Variants in ZNF248 observed in about 807,000 individuals in gnomAD.
ZNF248 encodes KRAB protein domain.
A neutral mutation model predicts 44.3 loss-of-function variants in ZNF248; 20 were observed. That is an observed-to-expected ratio of 0.45 (90% CI 0.32 to 0.66). The LOEUF (loss-of-function observed/expected upper bound fraction) is 0.66, where lower values mean the gene tolerates loss of function less well. Ranked by LOEUF, ZNF248 falls within the 30% of genes least tolerant of loss-of-function variation. ZNF248 has a pLI of 0.04. For missense variants in ZNF248, 654 were observed against 677.0 expected, an observed-to-expected ratio of 0.97 and a Z score of 0.38; for synonymous variants, 224 against 229.0, an observed-to-expected ratio of 0.98 and a Z score of 0.20.
At chr10:37,846,359 T>C (rs1281633428) in intron 3 of ZNF248, among the ~76,000 whole-genome samples, 6 of 152,164 alleles carry the variant, frequency 3.9e-5, no homozygotes, top group Admixed American at 3.9e-4. Context: ...TGAAGCCAGG[T>C]GCGGTGGCTC....
intron 6 of ZNF248, among the ~76,000 whole-genome samples, chr10:37,796,697 CTTT>C (rs200137373): frequency 7.1e-6 from 1 of 141,642 alleles, no homozygotes. Flanking sequence ...TCTAGGTTAC[CTTT>C]TTTTTTTTTG....
At chr10:37,814,778 A>G (rs533573294) in intron 6 of ZNF248, among the ~76,000 whole-genome samples, 2 of 152,270 alleles carry the variant, frequency 1.3e-5, no homozygotes, top group Admixed American at 1.3e-4. Context: ...GCTTGTATGT[A>G]TGTATGTTAT....
intron 6 of ZNF248, among the ~76,000 whole-genome samples, chr10:37,813,922 C>A (rs555455438): frequency 6.6e-6 from 1 of 152,254 alleles, no homozygotes; most frequent in African/African-American, 2.4e-5. Context: ...CAGATTAGAA[C>A]CTGAGTCTCT....
chr10:37,769,026 A>C, the ZNF248 span, among the ~76,000 whole-genome samples: 4 of 152,238 alleles, frequency 2.6e-5, no homozygotes, highest in South Asian at 8.3e-4. Context: ...ATCTAGAAGA[A>C]ATGGAAAAAT....
At chr10:37,827,393 T>C (rs1315159853), downstream of ZNF248, among the ~76,000 whole-genome samples, 4 of 152,174 alleles carry the variant, frequency 2.6e-5, no homozygotes, top group Admixed American at 6.5e-5. Context: ...ACAGAGAGTA[T>C]TGGCCATACC....
chr10:37,766,662 A>G, the ZNF248 span, among the ~76,000 whole-genome samples: 1 of 152,226 alleles, frequency 6.6e-6, no homozygotes, highest in Non-Finnish European at 1.5e-5. Context: ...AGATAAAACC[A>G]CAAAGATGGG....
At chr10:37,839,887 G>A (rs1208644) in intron 3 of ZNF248, among the ~76,000 whole-genome samples, 9,126 of 152,108 alleles carry the variant, frequency 0.06, 355 homozygotes, top group Middle Eastern at 0.095. Flanking sequence ...CCTTCTGTTC[G>A]TGTTCACATG....
chr10:37,758,994 G>T, the ZNF248 span, among the ~76,000 whole-genome samples: 4 of 152,122 alleles, frequency 2.6e-5, no homozygotes, highest in Admixed American at 1.3e-4. Flanking sequence ...AGAATGCTCT[G>T]CTGTCCTGTG....
intron 3 of ZNF248, among the ~76,000 whole-genome samples, chr10:37,851,985 C>G (rs562922327): frequency 3.9e-5 from 6 of 152,068 alleles, no homozygotes; most frequent in Non-Finnish European, 8.8e-5. Flanking sequence ...CGGTGGCTCA[C>G]GTCTGTATTC....
At chr10:37,782,607 T>C (rs546275312) in intron 6 of ZNF248, among the ~76,000 whole-genome samples, 34 of 152,182 alleles carry the variant, frequency 2.2e-4, no homozygotes, top group Non-Finnish European at 4.3e-4. Context: ...GAGGTCACAG[T>C]GGATTAAGTA....
At chr10:37,821,622 T>C (rs2053481217) in intron 6 of ZNF248, among the ~76,000 whole-genome samples, 1 of 152,092 alleles carries the variant, frequency 6.6e-6, no homozygotes, top group African/African-American at 2.4e-5. Flanking sequence ...GGAGCTTTCC[T>C]CAAAGAAAGC....
intron 6 of ZNF248, among the ~76,000 whole-genome samples, chr10:37,786,194 A>C (rs2132979521): frequency 6.6e-6 from 1 of 152,314 alleles, no homozygotes; most frequent in Non-Finnish European, 1.5e-5. Context: ...TCAATATATT[A>C]CCATTTTTTG....
At chr10:37,787,614 A>G (rs973657703) in intron 6 of ZNF248, among the ~76,000 whole-genome samples, 3 of 150,982 alleles carry the variant, frequency 2.0e-5, no homozygotes, top group African/African-American at 4.9e-5. Context: ...TATGTCCACA[A>G]ATCATGTTGG....
chr10:37,804,232 C>T (rs933099813), intron 6 of ZNF248, among the ~76,000 whole-genome samples: 8 of 146,620 alleles, frequency 5.5e-5, no homozygotes, highest in African/African-American at 2.0e-4. Context: ...CAGTCTACTA[C>T]ATTAACTGTA....
Position 37,829,854 on chromosome 10 carries a change from C to T in ZNF248, c.*1761G>A. On this transcript the variant is annotated 3_prime_UTR_variant, in exon 6 of 6. Transcript: ENST00000395867. ...GCTCCCAAGTTCACCCCAACAGAAT[C>T]ATTAAAATGGAACTTCCATGATTAG... 1.0e-6 allele frequency: 1 copy of T among 985,412 alleles called. No homozygotes were observed. Among genetic ancestry groups the T allele is most frequent in the Non-Finnish European group, 1.2e-6 (1 of 829,928 alleles). 61.0% of individuals were successfully genotyped at this position (985,412 alleles called of 1,614,324 possible). A position where few individuals can be genotyped will look rare whatever the true frequency, so the allele number is the denominator to read the frequency against.
the ZNF248 span, among the ~76,000 whole-genome samples, chr10:37,760,735 G>C: frequency 2.6e-5 from 4 of 152,068 alleles, no homozygotes; most frequent in Non-Finnish European, 5.9e-5. Context: ...TCAGGGGGCC[G>C]AGGCAGGAGA....
Position 37,831,446 on chromosome 10 carries a change from TC to T in ZNF248, c.*168del, listed in dbSNP as rs749373240. 2.0e-6 allele frequency: 3 copies of T among 1,470,632 alleles called. No individual in the cohort carries two copies. Among genetic ancestry groups the T allele is most frequent in the East Asian group, 5.0e-5 (2 of 40,262 alleles). The allele number at this position is 1,470,632 out of a possible 1,614,324, so 91.1% of individuals were successfully genotyped here. ...ACCATATTACTTAGATGAATAGAAT[TC>T]CCCTCAGTACAAATTTTCTAATGAA... On this transcript the variant is annotated 3_prime_UTR_variant, in exon 6 of 6. Coordinates refer to ENST00000395867, the MANE Select transcript of ZNF248 (RefSeq NM_021045.3).
the ZNF248 span, among the ~76,000 whole-genome samples, chr10:37,767,898 A>G: frequency 6.6e-6 from 1 of 152,214 alleles, no homozygotes; most frequent in East Asian, 1.9e-4. Context: ...GTGCAGAGAC[A>G]CACATAGGCT....
Position 37,834,265 on chromosome 10 carries a change from CATAAA to C in ZNF248, c.239-1154_239-1150del, listed in dbSNP as rs752649138. On this transcript the variant is annotated intron_variant, in intron 5 of 5. Transcript: ENST00000395867. ...TTACTGTTTATATAATTCATTGTAA[CATAAA>C]ATAAATCCCTTGCTCAATGCTATCG... Among the ~76,000 whole-genome samples, 74 of 152,222 alleles carry C rather than the reference CATAAA, an allele frequency of 4.9e-4. 1 individual carries two copies. The highest frequency in any genetic ancestry group is 6.9e-4 in the Non-Finnish European group (47 of 67,974).
Sources: allele counts gnomAD v4.1 joint callset (sites outside exome capture counted in the v4.1 genomes callset), GRCh38; gene constraint gnomAD v4.1.1; transcripts MANE v1.5; gene names NCBI Gene and HGNC (gene_info 2026-07-23, HGNC 2026-07-21).